The following KCNMA1 variants were observed in gnomAD, a reference collection of about 807,000 sequenced individuals.
The protein encoded by KCNMA1 is Calcium-activated potassium channel subunit alpha-1.
In KCNMA1, 29 loss-of-function variants were observed where a neutral mutation model predicts 140.0. The ratio of observed to expected loss-of-function variants is 0.21; its 90% CI spans 0.15 to 0.28. The LOEUF is 0.28. Among genes scored for constraint, KCNMA1 ranks in the 10% least tolerant of loss-of-function variants. KCNMA1 has a pLI of 1.00. For synonymous variants in KCNMA1, 612 were observed against 611.9 expected (o/e 1.00, Z 0.00); for missense variants, 880 against 1,602.2 (o/e 0.55, Z 7.70).
chr10:77,329,132 G>A (rs11002122), intron 2 of KCNMA1, among the ~76,000 whole-genome samples: 39,688 of 151,984 alleles, frequency 0.26, 6,518 homozygotes, highest in Non-Finnish European at 0.38. Context: ...GAGCCACTGC[G>A]CCCGGTCAAT....
intron 2 of KCNMA1, among the ~76,000 whole-genome samples, chr10:77,356,424 T>C (rs1238114296): frequency 6.6e-6 from 1 of 152,244 alleles, no homozygotes; most frequent in African/African-American, 2.4e-5. Context: ...GCCTGGAGGA[T>C]AGAAATAACT....
At chr10:77,101,175 C>T (rs907377219) in intron 9 of KCNMA1, among the ~76,000 whole-genome samples, 2 of 152,098 alleles carry the variant, frequency 1.3e-5, no homozygotes, top group Admixed American at 1.3e-4. Context: ...GTCCCACGCC[C>T]ACCAAGACCC....
intron 16 of KCNMA1, 42 bp downstream of exon 16, chr10:77,027,781 C>T (rs1277777129): frequency 2.0e-6 from 3 of 1,536,068 alleles, no homozygotes; most frequent in African/African-American, 1.4e-5. Context: ...GCACTCTCAC[C>T]ATCAAAAGTG....
intron 23 of KCNMA1, among the ~76,000 whole-genome samples, chr10:76,916,435 T>C (rs2052948175): frequency 6.6e-6 from 1 of 152,240 alleles, no homozygotes; most frequent in Non-Finnish European, 1.5e-5. Context: ...CACATATCAA[T>C]ATTAGAAACC....
chr10:77,393,363 T>A (rs1333288755), intron 2 of KCNMA1, among the ~76,000 whole-genome samples: 1 of 152,214 alleles, frequency 6.6e-6, no homozygotes, highest in African/African-American at 2.4e-5. Flanking sequence ...CTCCATGACA[T>A]GGTGACCGGG....
intron 1 of KCNMA1, among the ~76,000 whole-genome samples, chr10:77,480,733 G>A (rs1249866813): frequency 6.6e-6 from 1 of 151,866 alleles, no homozygotes; most frequent in Non-Finnish European, 1.5e-5. Flanking sequence ...CCCCCTCCCG[G>A]CAAAGCCCTC....
intron 19 of KCNMA1, among the ~76,000 whole-genome samples, chr10:76,989,427 T>C (rs1264486551): frequency 6.6e-6 from 1 of 152,160 alleles, no homozygotes; most frequent in Non-Finnish European, 1.5e-5. Flanking sequence ...GAAGGATTTA[T>C]AACAGTAAGG....
At chr10:77,137,233 C>T (rs1051296799) in intron 5 of KCNMA1, among the ~76,000 whole-genome samples, 1 of 152,174 alleles carries the variant, frequency 6.6e-6, no homozygotes, top group Non-Finnish European at 1.5e-5. Flanking sequence ...ACAGCAAACA[C>T]ATCCAAGCCC....
intron 1 of KCNMA1, among the ~76,000 whole-genome samples, chr10:77,520,359 G>C (rs2052923353): frequency 6.6e-6 from 1 of 151,884 alleles, no homozygotes; most frequent in African/African-American, 2.4e-5. Context: ...GTGAGGTCTG[G>C]GGCTGGCTCC....
chr10:76,884,939 A>G lies in KCNMA1; in HGVS notation c.*2327T>C, dbSNP rs1343645115. 2 of 1,522,236 alleles carry G rather than the reference A, an allele frequency of 1.3e-6. No individual in the cohort carries two copies. The highest frequency in any genetic ancestry group is 1.3e-5 in the South Asian group (1 of 76,964). 94.3% of individuals were successfully genotyped at this position (1,522,236 alleles called of 1,614,324 possible). ...GTTTTCACAAGGACAACGTTATAGA[A>G]GAAAACCCCCAGCAGTGGCTAGGTC... On this transcript the variant is annotated 3_prime_UTR_variant, in exon 28 of 28. Coordinates refer to ENST00000286628, the MANE Select transcript of KCNMA1 (RefSeq NM_001161352.2).
intron 23 of KCNMA1, chr10:76,939,489 T>C (rs2061456959): frequency 1.3e-5 from 2 of 152,182 alleles, no homozygotes; most frequent in Admixed American, 1.3e-4. Flanking sequence ...TTTGTGTTCC[T>C]CTATTTCTAG....
chr10:77,282,413 T>C (rs999981447), intron 2 of KCNMA1, among the ~76,000 whole-genome samples: 2 of 152,192 alleles, frequency 1.3e-5, no homozygotes, highest in African/African-American at 4.8e-5. Context: ...CAGTCTTCTT[T>C]CATCATGGAT....
chr10:77,282,752 G>A (rs1288963078), intron 2 of KCNMA1, among the ~76,000 whole-genome samples: 1 of 116,874 alleles, frequency 8.6e-6, no homozygotes, highest in Non-Finnish European at 2.0e-5. Flanking sequence ...GGCTGGGCGG[G>A]TGGTGTGCTC....
At chr10:76,968,120 A>G (rs1175711045) in intron 20 of KCNMA1, among the ~76,000 whole-genome samples, 2 of 152,168 alleles carry the variant, frequency 1.3e-5, no homozygotes, top group East Asian at 1.9e-4. Context: ...ATCACTTTCT[A>G]TTGCACATAA....
chr10:77,366,939 C>A (rs1039934376), intron 2 of KCNMA1, among the ~76,000 whole-genome samples: 1 of 152,226 alleles, frequency 6.6e-6, no homozygotes, highest in South Asian at 2.1e-4. Context: ...GTAAGCTCCT[C>A]AGCAACCCTC....
intron 2 of KCNMA1, among the ~76,000 whole-genome samples, chr10:77,379,802 C>T (rs1318400718): frequency 6.6e-6 from 1 of 152,182 alleles, no homozygotes; most frequent in East Asian, 1.9e-4. Flanking sequence ...CCATCCCTGC[C>T]CCATAATGCT....
intron 2 of KCNMA1, among the ~76,000 whole-genome samples, chr10:77,390,174 A>G (rs1481389282): frequency 1.3e-5 from 2 of 152,212 alleles, no homozygotes; most frequent in African/African-American, 4.8e-5. Context: ...CCCTCTATTT[A>G]TGGAGATGCT....
At chr10:77,036,600 A>G (rs1169452921) in intron 15 of KCNMA1, among the ~76,000 whole-genome samples, 1 of 152,224 alleles carries the variant, frequency 6.6e-6, no homozygotes, top group African/African-American at 2.4e-5. Context: ...TGATACCCAG[A>G]ATATTCCCCA....
rs12771435 is a variant in KCNMA1 at position 76,949,557 on chromosome 10, T to C, written c.2485-191A>G. 0.25 allele frequency: 155,978 copies of C among 615,850 alleles called. 21,607 individuals carry two copies. The highest frequency in any genetic ancestry group is 0.44 in the East Asian group (16,105 of 36,234). 38.1% of individuals were successfully genotyped at this position (615,850 alleles called of 1,614,324 possible). On this transcript the variant is annotated intron_variant, in intron 21 of 27. Transcript: ENST00000286628. Reference sequence around the variant, plus strand: ...ATAATTTGAGCACGTGTATATGTATTATATTTTTGTAATAAATCTGTCCAA... The same window carrying C: ...ATAATTTGAGCACGTGTATATGTATCATATTTTTGTAATAAATCTGTCCAA...
Sources: allele counts gnomAD v4.1 joint callset (sites outside exome capture counted in the v4.1 genomes callset), GRCh38; gene constraint gnomAD v4.1.1; transcripts MANE v1.5; gene names NCBI Gene and HGNC (gene_info 2026-07-23, HGNC 2026-07-21).